SLC12A8: variants seen among roughly 807,000 people sequenced by gnomAD.
SLC12A8 encodes the protein solute carrier family 12 member 8, also known as cation-chloride cotransporter 9.
Under a neutral mutation model 75.6 loss-of-function variants are expected in SLC12A8, and 69 were observed. That is an observed-to-expected ratio of 0.91 (90% CI 0.75 to 1.11). SLC12A8 has a LOEUF of 1.11. SLC12A8 is among the 50% of genes most tolerant of loss of function. The pLI is 0.00. For missense variants in SLC12A8, 877 were observed against 896.7 expected (o/e 0.98, Z 0.28); for synonymous variants, 365 against 372.8 (o/e 0.98, Z 0.24).
intron 4 of SLC12A8, among the ~76,000 whole-genome samples, chr3:125,185,316 G>C (rs1051963694): frequency 6.7e-6 from 1 of 149,092 alleles, no homozygotes; most frequent in African/African-American, 2.5e-5. Flanking sequence ...GCAAAACGGC[G>C]TCTCAAAAAC....
chr3:125,142,085 C>A (rs1021385770), intron 5 of SLC12A8, among the ~76,000 whole-genome samples: 1 of 152,224 alleles, frequency 6.6e-6, no homozygotes, highest in Non-Finnish European at 1.5e-5. Flanking sequence ...GACAGCCCAG[C>A]GCCTCTCAGC....
At chr3:125,127,107 C>G (rs1436844534) in intron 6 of SLC12A8, among the ~76,000 whole-genome samples, 1 of 152,252 alleles carries the variant, frequency 6.6e-6, no homozygotes, top group African/African-American at 2.4e-5. Flanking sequence ...GCTCCTTACT[C>G]AGAAATCCCT....
intron 2 of SLC12A8, among the ~76,000 whole-genome samples, chr3:125,201,768 G>A (rs1235599059): frequency 1.3e-5 from 2 of 150,138 alleles, no homozygotes; most frequent in South Asian, 2.1e-4. Context: ...GACTTTTCAC[G>A]TCAAGCGCAC....
At chr3:125,162,614 C>T (rs1005982246) in intron 5 of SLC12A8, among the ~76,000 whole-genome samples, 2 of 152,216 alleles carry the variant, frequency 1.3e-5, no homozygotes, top group Non-Finnish European at 2.9e-5. Flanking sequence ...CTTGTCACAG[C>T]CAAGTGGCAG....
intron 5 of SLC12A8, among the ~76,000 whole-genome samples, chr3:125,148,911 A>T (rs965182972): frequency 5.3e-5 from 8 of 152,162 alleles, no homozygotes; most frequent in African/African-American, 1.7e-4. Flanking sequence ...GTAATCTGCA[A>T]ATTCCCCACA....
rs892591904 is a variant in SLC12A8 at position 125,185,925 on chromosome 3, C to T, written c.390+1312G>A. Reference sequence around the variant, plus strand: ...GGTGCAGTGGCGTCTCAGGCCGTGGCTGCCAGCACTTAGAAAACATCTTAT... The same window carrying T: ...GGTGCAGTGGCGTCTCAGGCCGTGGTTGCCAGCACTTAGAAAACATCTTAT... On this transcript the variant is annotated intron_variant, in intron 4 of 13. Transcript: ENST00000469902. Among the ~76,000 whole-genome samples the T allele has an allele frequency of 4.6e-5, 7 of 152,240 alleles. No homozygotes were observed. The South Asian group carries it at 1.0e-3, about 22-fold the overall frequency.
chr3:125,203,463 A>G (rs1413383997), intron 2 of SLC12A8, among the ~76,000 whole-genome samples: 2 of 152,238 alleles, frequency 1.3e-5, no homozygotes, highest in Admixed American at 1.3e-4. Flanking sequence ...ATTTTCAACA[A>G]AGGTGCCAAG....
At chr3:125,137,594 A>C (rs1933523560) in intron 5 of SLC12A8, among the ~76,000 whole-genome samples, 1 of 152,194 alleles carries the variant, frequency 6.6e-6, no homozygotes, top group Non-Finnish European at 1.5e-5. Flanking sequence ...TGTGCCCGGC[A>C]GGCCCGCCTC....
chr3:125,154,263 T>C (rs1248800609), intron 5 of SLC12A8, among the ~76,000 whole-genome samples: 1 of 152,206 alleles, frequency 6.6e-6, no homozygotes, highest in African/African-American at 2.4e-5. Context: ...GACTTATGTG[T>C]CCTGCTTGTT....
chr3:125,139,950 T>C (rs1933588707), intron 5 of SLC12A8, among the ~76,000 whole-genome samples: 1 of 152,228 alleles, frequency 6.6e-6, no homozygotes, highest in Non-Finnish European at 1.5e-5. Context: ...CTGGAGAGCA[T>C]GGACCTTAAG....
At chr3:125,160,615 T>C (rs1222974429) in intron 5 of SLC12A8, among the ~76,000 whole-genome samples, 5 of 152,228 alleles carry the variant, frequency 3.3e-5, no homozygotes, top group Non-Finnish European at 7.3e-5. Flanking sequence ...CGAGTTTAGA[T>C]GAAGCGGGTG....
intron 5 of SLC12A8, among the ~76,000 whole-genome samples, chr3:125,142,468 A>G (rs907508590): frequency 6.6e-6 from 1 of 152,184 alleles, no homozygotes; most frequent in African/African-American, 2.4e-5. Context: ...AGTCCCTGCC[A>G]TGCTTATCCT....
intron 5 of SLC12A8, among the ~76,000 whole-genome samples, chr3:125,163,726 T>C (rs1304893403): frequency 1.3e-5 from 2 of 152,240 alleles, no homozygotes; most frequent in African/African-American, 4.8e-5. Flanking sequence ...TTCATACTGC[T>C]GATTAACACA....
intron 5 of SLC12A8, among the ~76,000 whole-genome samples, chr3:125,164,593 G>T (rs985412496): frequency 2.0e-5 from 3 of 152,336 alleles, no homozygotes; most frequent in East Asian, 3.9e-4. Context: ...TTCCAGTCCT[G>T]GCCCTGAGCC....
chr3:125,167,928 C>T (rs1934326589), intron 5 of SLC12A8, among the ~76,000 whole-genome samples: 1 of 152,182 alleles, frequency 6.6e-6, no homozygotes, highest in African/African-American at 2.4e-5. Flanking sequence ...TGAATGCAAA[C>T]AGAATGGGTT....
intron 13 of SLC12A8, among the ~76,000 whole-genome samples, chr3:125,087,207 G>C (rs1360037495): frequency 6.7e-6 from 1 of 149,282 alleles, no homozygotes; most frequent in Non-Finnish European, 1.5e-5. Flanking sequence ...CGATTCTCCT[G>C]CCTCAGCCTC....
chr3:125,103,319 A>T (rs1938932736), intron 10 of SLC12A8, among the ~76,000 whole-genome samples: 3 of 152,112 alleles, frequency 2.0e-5, no homozygotes, highest in Admixed American at 2.0e-4. Context: ...AGCCCAAGAG[A>T]AAAACCTCTA....
intron 2 of SLC12A8, among the ~76,000 whole-genome samples, chr3:125,199,062 G>C (rs569493021): frequency 6.6e-6 from 1 of 152,162 alleles, no homozygotes; most frequent in African/African-American, 2.4e-5. Flanking sequence ...ATAGGCGTGA[G>C]CCACCATGCC....
At position 125,110,173 on chromosome 3, in the gene SLC12A8, A is replaced by C. The variant is rs751473069; in HGVS notation, c.1059+16T>G. On this transcript the variant is annotated intron_variant, in intron 9 of 13. Coordinates refer to ENST00000469902, the MANE Select transcript of SLC12A8 (RefSeq NM_024628.6). ...ACATGTTTCAAAAAACAAACCAAAA[A>C]AAGAGGATTACTCACCCCTTGTCCC... 2 of 1,600,354 alleles carry C rather than the reference A, an allele frequency of 1.2e-6. No individual in the cohort carries two copies. Among genetic ancestry groups the C allele is most frequent in the South Asian group, 2.2e-5 (2 of 89,878 alleles).
Sources: gnomAD v4.1 joint callset for allele counts (sites outside exome capture counted in the v4.1 genomes callset) on GRCh38, gnomAD v4.1.1 for gene constraint, MANE v1.5 for transcripts, NCBI Gene and HGNC (gene_info 2026-07-23, HGNC 2026-07-21) for gene names.